ZNF710: variants seen among roughly 807,000 people sequenced by gnomAD.
ZNF710 encodes the protein zinc finger protein 710.
ZNF710 carries 13 observed loss-of-function variants against 50.6 expected under a neutral mutation model. The ratio of observed to expected loss-of-function variants is 0.26; its 90% CI spans 0.17 to 0.41. The LOEUF is 0.41. Among genes scored for constraint, ZNF710 ranks in the 10% least tolerant of loss-of-function variants. ZNF710 has a pLI of 1.00. For synonymous variants in ZNF710, 383 were observed against 397.0 expected (o/e 0.96, Z 0.42); for missense variants, 721 against 936.6 (o/e 0.77, Z 3.01).
At chr15:90,072,356 G>C (rs1900417548) in intron 2 of ZNF710, among the ~76,000 whole-genome samples, 1 of 152,186 alleles carries the variant, frequency 6.6e-6, no homozygotes, top group Non-Finnish European at 1.5e-5. Flanking sequence ...CCATGAATTA[G>C]ACCCTCCAGG....
At chr15:90,049,588 C>A (rs1361033564) in intron 1 of ZNF710, among the ~76,000 whole-genome samples, 3 of 152,216 alleles carry the variant, frequency 2.0e-5, no homozygotes, top group African/African-American at 7.2e-5. Context: ...ACAGGTCATC[C>A]TCTGTGATCC....
intron 4 of ZNF710, among the ~76,000 whole-genome samples, chr15:90,078,845 C>T (rs1421007975): frequency 6.6e-6 from 1 of 152,244 alleles, no homozygotes; most frequent in East Asian, 1.9e-4. Flanking sequence ...GGCCAGAATG[C>T]ACTTTGGGGG....
chr15:90,046,004 C>G (rs1485645150), intron 1 of ZNF710, among the ~76,000 whole-genome samples: 1 of 152,142 alleles, frequency 6.6e-6, no homozygotes, highest in African/African-American at 2.4e-5. Context: ...TCTGGGTCCC[C>G]CAGGGCCACA....
At chr15:90,072,945 G>A in intron 2 of ZNF710, 126 bp from the exon 3 acceptor site, 1 of 1,007,790 alleles carries the variant, frequency 9.9e-7, no homozygotes, top group Non-Finnish European at 1.4e-6. Context: ...CCCTCAAAAA[G>A]AGACATTTCC....
At chr15:90,029,146 C>G (rs1284307321) in intron 1 of ZNF710, among the ~76,000 whole-genome samples, 1 of 152,206 alleles carries the variant, frequency 6.6e-6, no homozygotes, top group Non-Finnish European at 1.5e-5. Flanking sequence ...ACTCCCATGC[C>G]TGGCAATTAT....
intron 1 of ZNF710, among the ~76,000 whole-genome samples, chr15:90,050,844 A>T (rs1042187762): frequency 2.6e-5 from 4 of 151,822 alleles, no homozygotes; most frequent in Non-Finnish European, 5.9e-5. Flanking sequence ...GTGGTTCTTA[A>T]TCTTGTCTCT....
Position 90,068,019 on chromosome 15 carries a change from C to G in ZNF710, c.882C>G (p.Arg294=). Residue 294 remains arginine (R), a synonymous_variant, in exon 2 of 5, where the codon CGC becomes CGG. Transcript: ENST00000268154. This position sits in a 1 kb window ranked among gnomAD's most constrained non-coding sequence, Gnocchi z 5.0. The stretch of plus-strand genomic sequence containing the variant: ...TGGAGGCGGGCGACCGCCAGAAGCG[C>G]TGGCAGTGCCGCATGTGCGAGAAGT... ...YLVEAGDRQK[R]WQCRMCEKSY... is the part of the protein sequence containing the mutation. 1 of 1,614,204 alleles carries G rather than the reference C, an allele frequency of 6.2e-7. No individual in the cohort carries two copies. The highest frequency in any genetic ancestry group is 8.5e-7 in the Non-Finnish European group (1 of 1,180,040).
intron 1 of ZNF710, among the ~76,000 whole-genome samples, chr15:90,017,905 T>C (rs1898498495): frequency 6.6e-6 from 1 of 152,128 alleles, no homozygotes; most frequent in Non-Finnish European, 1.5e-5. Flanking sequence ...GTTTTCCTGG[T>C]GCTTGAATAA....
chr15:90,068,182 C>A lies in ZNF710; in HGVS notation c.1045C>A (p.Arg349=). 1 of 1,614,016 alleles carries A rather than the reference C, an allele frequency of 6.2e-7. No individual in the cohort carries two copies. Among genetic ancestry groups the A allele is most frequent in the Non-Finnish European group, 8.5e-7 (1 of 1,180,016 alleles). The change falls in exon 2 of 5, where the codon CGG becomes AGG. Residue 349 remains arginine, a synonymous_variant. Coordinates refer to ENST00000268154, the MANE Select transcript of ZNF710 (RefSeq NM_198526.4). This position sits in a 1 kb window ranked among gnomAD's most constrained non-coding sequence, Gnocchi z 5.0. ...GCACCTGCTGACGCACCAGGGCACC[C>A]GGCCCCACAAGTGCCAGGTATGCCA... is the stretch of plus-strand genomic sequence containing the variant. ...QTHLLTHQGT[R]PHKCQVCHKA...
At chr15:90,008,371 GTATA>G (rs1398173512) in intron 1 of ZNF710, among the ~76,000 whole-genome samples, 1 of 143,442 alleles carries the variant, frequency 7.0e-6, no homozygotes, top group African/African-American at 2.6e-5. Flanking sequence ...GTACATATGT[GTATA>G]TATATGTATA....
chr15:90,024,273 TC>T (rs34554335), intron 1 of ZNF710, among the ~76,000 whole-genome samples: 1 of 151,770 alleles, frequency 6.6e-6, no homozygotes, highest in African/African-American at 2.4e-5. Flanking sequence ...CTTAACACAT[TC>T]CCCCCAGAAA....
At chr15:90,010,461 AT>A (rs1305835878) in intron 1 of ZNF710, among the ~76,000 whole-genome samples, 1 of 151,254 alleles carries the variant, frequency 6.6e-6, no homozygotes, top group Non-Finnish European at 1.5e-5. Context: ...GCTAATTTTT[AT>A]TTTTTTTATT....
At position 90,003,389 on chromosome 15, in the gene ZNF710, G is replaced by A. The variant is rs75792458; in HGVS notation, c.-29+1775G>A. 1.7e-3 allele frequency among the ~76,000 whole-genome samples: 265 copies of A among 152,292 alleles called. 8 individuals are homozygous for A. The highest frequency in any genetic ancestry group is 0.014 in the Admixed American group (219 of 15,298). The stretch of plus-strand genomic sequence containing the variant: ...TCACAAAACTCCCCCACAGGTGTGC[G>A]GAGAAGGACTTTGTGCTCTTGGGGG... On this transcript the variant is annotated intron_variant, in intron 1 of 4. Coordinates refer to ENST00000268154, the MANE Select transcript of ZNF710 (RefSeq NM_198526.4).
chr15:90,008,427 T>TGTATATATATACATATATATAC (rs1491372581), intron 1 of ZNF710, among the ~76,000 whole-genome samples: 3 of 135,092 alleles, frequency 2.2e-5, no homozygotes, highest in African/African-American at 9.9e-5. Context: ...TGTGTGTGTG[T>TGTATATATATACATATATATAC]ATATATATAT....
intron 1 of ZNF710, among the ~76,000 whole-genome samples, chr15:90,036,018 G>A (rs548732024): frequency 1.3e-5 from 2 of 152,236 alleles, no homozygotes; most frequent in South Asian, 2.1e-4. Context: ...GGTCCTCTTT[G>A]GTAGAAGAGC....
At chr15:90,015,323 A>C (rs1898422976) in intron 1 of ZNF710, among the ~76,000 whole-genome samples, 1 of 152,242 alleles carries the variant, frequency 6.6e-6, no homozygotes, top group Admixed American at 6.5e-5. Flanking sequence ...TTGGTGGGGA[A>C]CAGATACTCT....
chr15:90,027,682 TC>T (rs555974194), intron 1 of ZNF710, among the ~76,000 whole-genome samples: 74 of 152,074 alleles, frequency 4.9e-4, no homozygotes, highest in African/African-American at 1.7e-3. Flanking sequence ...CAAAACCCTG[TC>T]TCTACTAAAA....
intron 1 of ZNF710, among the ~76,000 whole-genome samples, chr15:90,020,032 C>G (rs1484610864): frequency 6.6e-6 from 1 of 152,190 alleles, no homozygotes; most frequent in Non-Finnish European, 1.5e-5. Flanking sequence ...AAGGAAGTGC[C>G]TCTGCCCAGA....
chr15:90,065,428 C>CAGG (rs1900137423), intron 1 of ZNF710, among the ~76,000 whole-genome samples: 1 of 152,214 alleles, frequency 6.6e-6, no homozygotes, highest in Non-Finnish European at 1.5e-5. Context: ...GGTATAGGCC[C>CAGG]AGGAGGAGGT....
Sources: allele counts gnomAD v4.1 joint callset (sites outside exome capture counted in the v4.1 genomes callset), GRCh38; gene constraint gnomAD v4.1.1; non-coding constraint Gnocchi (gnomAD v3.1); transcripts MANE v1.5; gene names NCBI Gene and HGNC (gene_info 2026-07-23, HGNC 2026-07-21).